PLCB2: variants seen among roughly 807,000 people sequenced by gnomAD.
The protein encoded by PLCB2 is 1-phosphatidylinositol 4,5-bisphosphate phosphodiesterase beta-2.
In PLCB2, 115 loss-of-function variants were observed where a neutral mutation model predicts 141.7. The observed-to-expected ratio is 0.81, with a 90% CI of 0.70 to 0.95. PLCB2 has a LOEUF of 0.95. Among genes scored for constraint, PLCB2 ranks in the 40% least tolerant of loss-of-function variants. PLCB2 has a pLI of 0.00. For missense variants in PLCB2, 1,403 were observed against 1,541.1 expected (o/e 0.91, Z 1.50); for synonymous variants, 603 against 595.6 (o/e 1.01, Z -0.18).
intron 1 of PLCB2, 38 bp downstream of exon 1, chr15:40,307,551 C>G: frequency 7.3e-7 from 1 of 1,364,820 alleles, no homozygotes; most frequent in Non-Finnish European, 1.0e-6. Context: ...GCCCCCACCA[C>G]CTGGTGCTCC....
At position 40,297,003 on chromosome 15, in the gene PLCB2, T is replaced by C; in HGVS notation, c.1324-95A>G. The C allele has an allele frequency of 8.1e-7, 1 of 1,230,518 alleles. No homozygotes were observed. Among genetic ancestry groups the C allele is most frequent in the Non-Finnish European group, 1.2e-6 (1 of 850,846 alleles). The allele number at this position is 1,230,518 out of a possible 1,614,324, so 76.2% of individuals were successfully genotyped here. A position where few individuals can be genotyped will look rare whatever the true frequency, so the allele number is the denominator to read the frequency against. ...GGCATGCTCCCTCGGCCTCCCCCAC[T>C]CCTCTTGACCTGCCTCTCACTACTG... On this transcript the variant is annotated intron_variant, in intron 13 of 31. Coordinates refer to ENST00000260402, the MANE Select transcript of PLCB2 (RefSeq NM_004573.3). This position sits in a 1 kb window ranked among gnomAD's most constrained non-coding sequence, Gnocchi z 4.2.
chr15:40,285,930 C>T (rs2039603183), downstream of PLCB2: 3 of 985,470 alleles, frequency 3.0e-6, no homozygotes, highest in South Asian at 1.4e-4. Context: ...TGAGACAGTT[C>T]CAGGGAAGAA....
Position 40,296,551 on chromosome 15 carries a change from C to T in PLCB2, c.1570G>A (p.Glu524Lys). The T allele has an allele frequency of 1.2e-6, 2 of 1,613,936 alleles. No individual in the cohort carries two copies. The highest frequency in any genetic ancestry group is 1.7e-6 in the Non-Finnish European group (2 of 1,179,890). ...TCCGACTGCATCTTCTTAATCTCTT[C>T]TTCATCCAGGTTTCCTGACTCCTCC... ...EEEESGNLDE[E>K]EIKKMQSDEG... The change falls in exon 15 of 32, where the codon GAA becomes AAA. Residue 524 changes from glutamate to lysine, a missense_variant. Glu to Lys is a moderately conservative substitution (Grantham distance 56, BLOSUM62 1). Transcript: ENST00000260402.
chr15:40,304,113 A>G (rs2141177911), intron 1 of PLCB2, 35 bp from the exon 2 acceptor site: 1 of 1,474,466 alleles, frequency 6.8e-7, no homozygotes, highest in Non-Finnish European at 9.3e-7. Context: ...CTGTTCCAAG[A>G]CCTCAGGCCA....
At chr15:40,284,522 C>A (rs537588019), downstream of PLCB2, 2 of 455,418 alleles carry the variant, frequency 4.4e-6, no homozygotes, top group African/African-American at 2.0e-5. Context: ...CAAGGATGTG[C>A]GGGATCTGGC....
Position 40,302,602 on chromosome 15 carries a change from T to C in PLCB2, c.239A>G (p.Lys80Arg). ...GTCCATGTTGAAGACGTCCCGGAGC[T>C]TCTGGCTCTGCAGCACGTGGTGGTA... Reference protein sequence around the residue: ...GKFAKMPKSQKLRDVFNMDFP... With the variant: ...GKFAKMPKSQRLRDVFNMDFP... Residue 80 changes from lysine (K) to arginine (R), a missense_variant, in exon 4 of 32, where the codon AAG becomes AGG. By Grantham distance (26) the Lys-to-Arg change is conservative (BLOSUM62 2). This residue lies in a region of PLCB2 where 975 missense variants were observed against 1,141.1 expected (regional missense o/e 0.85). Coordinates refer to ENST00000260402, the MANE Select transcript of PLCB2 (RefSeq NM_004573.3). 6.2e-7 allele frequency: 1 copy of C among 1,614,188 alleles called. No individual in the cohort carries two copies. Among genetic ancestry groups the C allele is most frequent in the Non-Finnish European group, 8.5e-7 (1 of 1,180,008 alleles).
At chr15:40,284,293 C>A, downstream of PLCB2, 1 of 331,982 alleles carries the variant, frequency 3.0e-6, no homozygotes, top group Non-Finnish European at 6.0e-6. Context: ...TTTCATGAGC[C>A]GCACATTTTG....
At chr15:40,293,884 C>T (rs979235761) in intron 19 of PLCB2, among the ~76,000 whole-genome samples, 160 bp from the exon 20 acceptor site, 4 of 152,180 alleles carry the variant, frequency 2.6e-5, no homozygotes, top group African/African-American at 9.6e-5. Flanking sequence ...GTGTAGCCCA[C>T]GGGTTACAGC....
chr15:40,307,549 C>T (rs1293195888), intron 1 of PLCB2, 40 bp downstream of exon 1: 2 of 1,341,662 alleles, frequency 1.5e-6, no homozygotes, highest in Middle Eastern at 1.8e-4. Flanking sequence ...CGGCCCCCAC[C>T]ACCTGGTGCT....
chr15:40,292,787 G>T, intron 21 of PLCB2, 139 bp downstream of exon 21: 1 of 592,350 alleles, frequency 1.7e-6, no homozygotes, highest in East Asian at 2.8e-5. Context: ...GGTTCCTGGA[G>T]AGGTACTGTT....
Position 40,288,374 on chromosome 15 carries a change from G to A in PLCB2, c.*341C>T. 9.5e-7 allele frequency: 1 copy of A among 1,048,846 alleles called. No homozygotes were observed. The allele number at this position is 1,048,846 out of a possible 1,614,324, so 65.0% of individuals were successfully genotyped here. ...GAGGAAACTGAGCCCAGAGCTGGTT[G>A]CTCAATAGGAAAGGCAGAGTGGGGC... On this transcript the variant is annotated 3_prime_UTR_variant, in exon 32 of 32. Coordinates refer to ENST00000260402, the MANE Select transcript of PLCB2 (RefSeq NM_004573.3).
At chr15:40,294,544 G>A in intron 18 of PLCB2, 124 bp from the exon 19 acceptor site, 1 of 944,148 alleles carries the variant, frequency 1.1e-6, no homozygotes, top group Non-Finnish European at 1.6e-6. Context: ...GTGAGGATGA[G>A]GGCTTCTCCT....
At chr15:40,303,470 C>T in intron 2 of PLCB2, 114 bp from the exon 3 acceptor site, 1 of 744,068 alleles carries the variant, frequency 1.3e-6, no homozygotes, top group South Asian at 1.6e-5. Flanking sequence ...AAATCTTGGC[C>T]AACACCTCTC....
chr15:40,301,903 T>A, intron 7 of PLCB2, 54 bp downstream of exon 7: 1 of 1,538,016 alleles, frequency 6.5e-7, no homozygotes, highest in Non-Finnish European at 9.0e-7. Context: ...GCCAAGTTGC[T>A]TTCTGGTGGG....
Position 40,304,038 on chromosome 15 carries a change from G to C in PLCB2, c.125C>G (p.Pro42Arg). 6.2e-7 allele frequency: 1 copy of C among 1,600,160 alleles called. No individual in the cohort carries two copies. Among genetic ancestry groups the C allele is most frequent in the African/African-American group, 1.3e-5 (1 of 74,822 alleles). ...CGTCCAGTATAAGTAGTAGCCCTTA[G>C]GATCCACACGGAGGATAACTGGAGA... ...VASPVILRVD[P>R]KGYYLYWTYQ... The change falls in exon 2 of 32, where the codon CCT (proline) becomes CGT (arginine). Residue 42 changes from proline (P) to arginine (R), a missense_variant. Pro to Arg is a moderately radical substitution (Grantham distance 103, BLOSUM62 -2). Transcript: ENST00000260402.
Position 40,295,286 on chromosome 15 carries a change from C to A in PLCB2, c.1697-1G>T. On this transcript the variant is annotated splice_acceptor_variant, in intron 16 of 31. Transcript: ENST00000260402. LOFTEE classifies it high-confidence loss of function. ...GAGATGACATAACTTCGGTTCTTTT[C>A]TATATAGGGGAGAAAGGGAGGGGAG... 6.2e-7 allele frequency: 1 copy of A among 1,608,912 alleles called. No homozygotes were observed. The highest frequency in any genetic ancestry group is 1.1e-5 in the South Asian group (1 of 90,964).
rs759357184 is a variant in PLCB2 at position 40,296,534 on chromosome 15, C to T, written c.1587G>A (p.Met529Ile). 3.1e-6 allele frequency: 5 copies of T among 1,613,916 alleles called. No homozygotes were observed. Among genetic ancestry groups the T allele is most frequent in the Middle Eastern group, 1.6e-4 (1 of 6,082 alleles). Residue 529 changes from methionine to isoleucine, a missense_variant, in exon 15 of 32, where the codon ATG (methionine) becomes ATA (isoleucine). Physicochemically the swap from Met to Ile is conservative, Grantham distance 10. Transcript: ENST00000260402. ...TACCCCCACACACCTCATCCGACTG[C>T]ATCTTCTTAATCTCTTCTTCATCCA... ...GNLDEEEIKK[M>I]QSDEGTAGLE...
At chr15:40,289,473 TAG>T in intron 30 of PLCB2, 115 bp from the exon 31 acceptor site, 1 of 756,540 alleles carries the variant, frequency 1.3e-6, no homozygotes. Context: ...TCCTTAACAT[TAG>T]GTAGTTTTTA....
Position 40,288,324 on chromosome 15 carries a change from G to C in PLCB2, c.*391C>G. The stretch of plus-strand genomic sequence containing the variant: ...CAGGAGGGTTCGGGGCTAGAGTGGA[G>C]GTGAGTGGGTCCAACCCTCCAGGTG... On this transcript the variant is annotated 3_prime_UTR_variant, in exon 32 of 32. Coordinates refer to ENST00000260402, the MANE Select transcript of PLCB2 (RefSeq NM_004573.3). 2.0e-6 allele frequency: 2 copies of C among 1,002,190 alleles called. No homozygotes were observed. The highest frequency in any genetic ancestry group is 2.4e-6 in the Non-Finnish European group (2 of 841,166). 62.1% of individuals were successfully genotyped at this position (1,002,190 alleles called of 1,614,324 possible). A position where few individuals can be genotyped will look rare whatever the true frequency, so the allele number is the denominator to read the frequency against.
Sources: allele counts gnomAD v4.1 joint callset (sites outside exome capture counted in the v4.1 genomes callset), GRCh38; gene constraint gnomAD v4.1.1; regional missense constraint gnomAD v4.1.1; non-coding constraint Gnocchi (gnomAD v3.1); transcripts MANE v1.5; gene names NCBI Gene and HGNC (gene_info 2026-07-23, HGNC 2026-07-21).